Variants in SNX29 observed in about 807,000 individuals in gnomAD.
SNX29 encodes the protein sorting nexin-29.
In SNX29, 78 loss-of-function variants were observed where a neutral mutation model predicts 102.1. The observed-to-expected ratio is 0.76, with a 90% CI of 0.64 to 0.92. SNX29 has a LOEUF of 0.92. Among genes scored for constraint, SNX29 ranks in the 40% least tolerant of loss-of-function variants. The pLI is 0.00. For synonymous variants in SNX29, 580 were observed against 414.5 expected (o/e 1.40, Z -4.85); for missense variants, 1,280 against 1,061.7 (o/e 1.21, Z -2.86).
intron 15 of SNX29, among the ~76,000 whole-genome samples, chr16:12,293,369 G>T (rs1454182612): frequency 6.6e-6 from 1 of 152,214 alleles, no homozygotes; most frequent in Non-Finnish European, 1.5e-5. Context: ...CAGAGCTGAC[G>T]TCTGGACCCA....
At chr16:12,483,114 G>GTTTTTGTT (rs71139598) in intron 19 of SNX29, among the ~76,000 whole-genome samples, 2,331 of 66,202 alleles carry the variant, frequency 0.035, 288 homozygotes, top group Non-Finnish European at 0.048. Context: ...AAGTTATTAA[G>GTTTTTGTT]TTTTTTTTTT....
chr16:12,554,676 G>T (rs1049024572), intron 20 of SNX29, among the ~76,000 whole-genome samples: 41 of 152,286 alleles, frequency 2.7e-4, no homozygotes, highest in African/African-American at 9.9e-4. Context: ...CCACAGGGAT[G>T]CCAATTCTCA....
intron 20 of SNX29, among the ~76,000 whole-genome samples, chr16:12,540,795 C>G (rs779124815): frequency 1.3e-4 from 20 of 152,176 alleles, no homozygotes; most frequent in Non-Finnish European, 2.4e-4. Context: ...TTGAGGACTG[C>G]TCAAGGCTGA....
At chr16:12,170,156 G>A (rs2076112247) in intron 13 of SNX29, among the ~76,000 whole-genome samples, 2 of 152,058 alleles carry the variant, frequency 1.3e-5, no homozygotes, top group African/African-American at 4.8e-5. Context: ...ATGTTGCCCA[G>A]TGTCCCCTGG....
At chr16:12,312,077 T>C (rs1228181268) in intron 15 of SNX29, among the ~76,000 whole-genome samples, 1 of 152,200 alleles carries the variant, frequency 6.6e-6, no homozygotes, top group Non-Finnish European at 1.5e-5. Context: ...CTCAGGTGGC[T>C]GCTCTGAGCT....
chr16:12,413,991 G>GC (rs1315854500), intron 18 of SNX29, among the ~76,000 whole-genome samples: 3 of 152,182 alleles, frequency 2.0e-5, no homozygotes, highest in Non-Finnish European at 2.9e-5. Flanking sequence ...TAACCTAAGT[G>GC]CATCCTCCTG....
At chr16:12,330,534 G>A (rs748250683) in intron 15 of SNX29, among the ~76,000 whole-genome samples, 12 of 152,176 alleles carry the variant, frequency 7.9e-5, no homozygotes, top group African/African-American at 2.4e-4. Flanking sequence ...TAATCCTCCC[G>A]ACAGCTCTGG....
chr16:12,497,038 T>C (rs2088862455), intron 19 of SNX29, among the ~76,000 whole-genome samples: 1 of 152,012 alleles, frequency 6.6e-6, no homozygotes, highest in African/African-American at 2.4e-5. Context: ...AGTGAACAGG[T>C]AGCATGGTAA....
intron 19 of SNX29, among the ~76,000 whole-genome samples, chr16:12,509,671 C>T (rs899807200): frequency 3.3e-5 from 5 of 152,172 alleles, no homozygotes; most frequent in Non-Finnish European, 7.4e-5. Flanking sequence ...GTAATCGCAG[C>T]ACTTTGGGAG....
chr16:12,563,372 T>A (rs2078840723), intron 20 of SNX29, among the ~76,000 whole-genome samples: 1 of 152,210 alleles, frequency 6.6e-6, no homozygotes, highest in South Asian at 2.1e-4. Context: ...TATCGCCACG[T>A]TGATATTTTA....
chr16:12,129,929 C>G (rs920250496), intron 13 of SNX29, among the ~76,000 whole-genome samples, 171 bp downstream of exon 13: 1 of 151,556 alleles, frequency 6.6e-6, no homozygotes, highest in Non-Finnish European at 1.5e-5. Flanking sequence ...ACAGTGAAAC[C>G]CCGTCTCTAC....
intron 18 of SNX29, among the ~76,000 whole-genome samples, chr16:12,441,327 AT>A (rs773912149): frequency 6.6e-6 from 1 of 151,766 alleles, no homozygotes; most frequent in Non-Finnish European, 1.5e-5. Context: ...TGACCTTGTG[AT>A]CCACCCACCT....
rs1022715157 is a variant in SNX29 at position 12,525,618 on chromosome 16, G to A, written c.2318+777G>A. On this transcript the variant is annotated intron_variant, in intron 20 of 20. Coordinates refer to ENST00000566228, the MANE Select transcript of SNX29 (RefSeq NM_032167.5). ...GAGGCAGGAGAATCACTTGAACCCA[G>A]GAGGCAGAGGTTGCAGTGAGCTGAG... Among the ~76,000 whole-genome samples, 4 of 152,046 alleles carry A rather than the reference G, an allele frequency of 2.6e-5. No homozygotes were observed. The South Asian group carries it at 8.3e-4, about 32-fold the overall frequency.
intron 20 of SNX29, among the ~76,000 whole-genome samples, chr16:12,562,760 C>G (rs1307102793): frequency 1.3e-5 from 2 of 152,170 alleles, no homozygotes; most frequent in African/African-American, 4.8e-5. Flanking sequence ...TGAGTTTTCA[C>G]AAAGGCTTGG....
At chr16:12,540,771 A>G (rs1437419444) in intron 20 of SNX29, among the ~76,000 whole-genome samples, 3 of 152,188 alleles carry the variant, frequency 2.0e-5, no homozygotes, top group African/African-American at 7.2e-5. Context: ...CACCTCCCCT[A>G]GAGTGTCAGG....
intron 15 of SNX29, among the ~76,000 whole-genome samples, chr16:12,313,926 G>A (rs970339898): frequency 2.0e-5 from 3 of 152,360 alleles, no homozygotes; most frequent in African/African-American, 7.2e-5. Flanking sequence ...GTTAAGTGGA[G>A]GGCCTAGGAC....
At position 12,125,842 on chromosome 16, in the gene SNX29, T is replaced by C. The variant is rs13331618; in HGVS notation, c.1403-791T>C. On this transcript the variant is annotated intron_variant, in intron 11 of 20. Transcript: ENST00000566228. ...TTCCTGGGAAACAGTTTTTTCCTCC[T>C]AGAATTTCCTCCTGGAATATAACAT... 7.2e-3 allele frequency among the ~76,000 whole-genome samples: 1,093 copies of C among 152,146 alleles called. 15 individuals are homozygous for C. The highest frequency in any genetic ancestry group is 0.025 in the African/African-American group (1,040 of 41,502).
At chr16:12,539,037 C>T (rs1239655669) in intron 20 of SNX29, among the ~76,000 whole-genome samples, 3 of 152,120 alleles carry the variant, frequency 2.0e-5, no homozygotes, top group Admixed American at 1.3e-4. Flanking sequence ...CAGAATGGGG[C>T]CCAGAAAGAC....
Position 12,532,437 on chromosome 16 carries a change from CCTA to C in SNX29, c.2318+7600_2318+7602del, listed in dbSNP as rs138248400. On this transcript the variant is annotated intron_variant, in intron 20 of 20. Coordinates refer to ENST00000566228, the MANE Select transcript of SNX29 (RefSeq NM_032167.5). Reference sequence around the variant, plus strand: ...TTCTAGGCTGTCGTGTTTTGTAAATCCTACTAAGCTCAATATTATTAAGCAAAC... The same window carrying C: ...TTCTAGGCTGTCGTGTTTTGTAAATCCTAAGCTCAATATTATTAAGCAAAC... Among the ~76,000 whole-genome samples, 1,284 of 152,248 alleles carry C rather than the reference CCTA, an allele frequency of 8.4e-3. 23 individuals are homozygous for C. Among genetic ancestry groups the C allele is most frequent in the African/African-American group, 0.03 (1,236 of 41,532 alleles).
Sources: gnomAD v4.1 joint callset for allele counts (sites outside exome capture counted in the v4.1 genomes callset) on GRCh38, gnomAD v4.1.1 for gene constraint, MANE v1.5 for transcripts, NCBI Gene and HGNC (gene_info 2026-07-23, HGNC 2026-07-21) for gene names.